The following CDH23 variants were observed in gnomAD, a reference collection of about 807,000 sequenced individuals.
The protein encoded by CDH23 is cadherin related 23.
CDH23 carries 189 observed loss-of-function variants against 317.1 expected under a neutral mutation model. The ratio of observed to expected loss-of-function variants is 0.60; its 90% CI spans 0.53 to 0.67. CDH23 has a LOEUF of 0.67. Ranked by LOEUF, CDH23 falls within the 30% of genes least tolerant of loss-of-function variation. CDH23 has a pLI of 0.00. For missense variants in CDH23, 4,401 were observed against 4,592.4 expected, an observed-to-expected ratio of 0.96 and a Z score of 1.20; for synonymous variants, 1,839 against 1,876.8, an observed-to-expected ratio of 0.98 and a Z score of 0.52.
intron 41 of CDH23, among the ~76,000 whole-genome samples, chr10:71,781,095 G>A (rs1840940922): frequency 1.3e-5 from 2 of 152,182 alleles, no homozygotes; most frequent in Non-Finnish European, 2.9e-5. Flanking sequence ...TCAGGAGAGA[G>A]GTCTGGGCTG....
At chr10:71,564,697 C>T (rs1041412436) in intron 6 of CDH23, among the ~76,000 whole-genome samples, 1 of 152,226 alleles carries the variant, frequency 6.6e-6, no homozygotes, top group African/African-American at 2.4e-5. Flanking sequence ...GCGCCAGCTT[C>T]ATACAGAGTG....
intron 1 of CDH23, among the ~76,000 whole-genome samples, chr10:71,420,058 T>C (rs1436169750): frequency 6.6e-6 from 1 of 152,182 alleles, no homozygotes; most frequent in Admixed American, 6.5e-5. Flanking sequence ...AATGAATTAC[T>C]TCCTTTAAAA....
intron 28 of CDH23, among the ~76,000 whole-genome samples, chr10:71,721,852 C>T (rs1866572652): frequency 6.6e-6 from 1 of 152,240 alleles, no homozygotes; most frequent in South Asian, 2.1e-4. Context: ...GAGCCCTTCA[C>T]TCCAGACTGG....
intron 3 of CDH23, among the ~76,000 whole-genome samples, chr10:71,504,833 G>A (rs1853545101): frequency 6.6e-6 from 1 of 152,232 alleles, no homozygotes; most frequent in African/African-American, 2.4e-5. Context: ...CTGATTGGTT[G>A]ATGCCTGTAC....
chr10:71,589,312 G>A (rs1859300921), intron 9 of CDH23, among the ~76,000 whole-genome samples: 1 of 152,072 alleles, frequency 6.6e-6, no homozygotes, highest in Admixed American at 6.6e-5. Context: ...TAGAGACAGG[G>A]TTTCACCATA....
At chr10:71,480,468 G>A (rs1252474732) in intron 3 of CDH23, among the ~76,000 whole-genome samples, 1 of 152,226 alleles carries the variant, frequency 6.6e-6, no homozygotes, top group African/African-American at 2.4e-5. Flanking sequence ...AGCACAGGCT[G>A]CTCTGAAGGC....
intron 36 of CDH23, 115 bp downstream of exon 36, chr10:71,739,887 T>C: frequency 8.1e-7 from 1 of 1,228,016 alleles, no homozygotes; most frequent in East Asian, 2.6e-5. Context: ...TCAGTGCCCC[T>C]GCTGTCACCA....
intron 22 of CDH23, among the ~76,000 whole-genome samples, chr10:71,699,579 T>G (rs1158132612): frequency 6.6e-6 from 1 of 152,120 alleles, no homozygotes; most frequent in Non-Finnish European, 1.5e-5. Flanking sequence ...GCAAGGGAGA[T>G]TTTGGTCCCA....
intron 28 of CDH23, chr10:71,713,274 G>C (rs746145564): frequency 1.3e-6 from 1 of 779,478 alleles, no homozygotes; most frequent in South Asian, 1.3e-5. Context: ...CAGGGAGCAG[G>C]CGCAACAGCT....
intron 3 of CDH23, among the ~76,000 whole-genome samples, chr10:71,482,138 A>G (rs1381680083): frequency 6.6e-6 from 1 of 152,102 alleles, no homozygotes; most frequent in Non-Finnish European, 1.5e-5. Context: ...GCTTCCAGGT[A>G]TGAGGCCCAC....
chr10:71,643,825 C>T (rs1862692241), intron 11 of CDH23, 36 bp from the exon 12 acceptor site: 1 of 765,824 alleles, frequency 1.3e-6, no homozygotes, highest in African/African-American at 1.7e-5. Context: ...TTCTGTCTGT[C>T]TCCATATCCT....
rs1839998180 is a variant in CDH23, at chr10:71,751,398, G to C, written c.4845+9477G>C. ...CAGGGAGGTGAATGGGGGCCCCTCT[G>C]TCCCTCACCCTCAACCCCACCCCGT... On this transcript the variant is annotated intron_variant, in intron 38 of 69. Coordinates refer to ENST00000224721, the MANE Select transcript of CDH23 (RefSeq NM_022124.6). This position sits in a 1 kb window ranked among gnomAD's most constrained non-coding sequence, Gnocchi z 4.9. The C allele has an allele frequency of 3.6e-6, 2 of 548,204 alleles. No individual in the cohort carries two copies. The highest frequency in any genetic ancestry group is 2.3e-5 in the African/African-American group (1 of 43,842). The allele number at this position is 548,204 out of a possible 1,614,324, so 34.0% of individuals were successfully genotyped here.
At chr10:71,538,110 T>TA (rs748804164) in intron 6 of CDH23, among the ~76,000 whole-genome samples, 37 of 152,300 alleles carry the variant, frequency 2.4e-4, no homozygotes, top group Non-Finnish European at 4.6e-4. Context: ...AGGAAAAAGA[T>TA]ACGCAGGTCT....
In CDH23 at chr10:71,784,913, T is replaced by C. The variant is rs1841058438; in HGVS notation, c.5525T>C (p.Leu1842Pro). The C allele has an allele frequency of 1.2e-6, 2 of 1,614,038 alleles. No homozygotes were observed. Among genetic ancestry groups the C allele is most frequent in the East Asian group, 4.5e-5 (2 of 44,878 alleles). Residue 1842 changes from leucine to proline, a missense_variant, in exon 43 of 70, where the codon CTG becomes CCG. Coordinates refer to ENST00000224721, the MANE Select transcript of CDH23 (RefSeq NM_022124.6). The stretch of plus-strand genomic sequence containing the variant: ...CAGATGCTGGTGGGGATCCGGGTGC[T>C]GGACATCAACGACAACGACCCTGTG... ...SSTMLVGIRVLDINDNDPVLL... is the reference protein window; with the variant it reads ...SSTMLVGIRVPDINDNDPVLL...
chr10:71,422,683 C>G (rs1354604378), intron 1 of CDH23, among the ~76,000 whole-genome samples: 1 of 152,196 alleles, frequency 6.6e-6, no homozygotes, highest in Non-Finnish European at 1.5e-5. Context: ...CCTCCACAGG[C>G]CTGCCCAACT....
Position 71,645,825 on chromosome 10 carries a change from AC to A in CDH23, c.1141-3del, listed in dbSNP as rs1862820010. 1.9e-6 allele frequency: 3 copies of A among 1,607,034 alleles called. No individual in the cohort carries two copies. Among genetic ancestry groups the A allele is most frequent in the South Asian group, 2.2e-5 (2 of 90,784 alleles). ...CTGACTGGCTTCTTCTGCACTCTTG[AC>A]CCAGGGCCTGAACAGCATGTTTGAG... is the stretch of plus-strand genomic sequence containing the variant. On this transcript the variant is annotated splice_region_variant and splice_polypyrimidine_tract_variant and intron_variant, in intron 12 of 69. Coordinates refer to ENST00000224721, the MANE Select transcript of CDH23 (RefSeq NM_022124.6).
chr10:71,621,233 A>C (rs1258791196), intron 11 of CDH23, among the ~76,000 whole-genome samples: 2 of 152,236 alleles, frequency 1.3e-5, no homozygotes, highest in African/African-American at 4.8e-5. Context: ...TCTGGGTTGA[A>C]GGTGACTCTG....
intron 2 of CDH23, among the ~76,000 whole-genome samples, chr10:71,443,266 C>A (rs570968177): frequency 6.6e-6 from 1 of 152,212 alleles, no homozygotes; most frequent in Non-Finnish European, 1.5e-5. Flanking sequence ...ACCCCCACCC[C>A]GCAATTCAGG....
Position 71,422,579 on chromosome 10 carries a change from C to G in CDH23, c.-5-17248C>G, listed in dbSNP as rs72642223. The stretch of plus-strand genomic sequence containing the variant: ...CATGCTGAGGATCTCCAAGCTTCTT[C>G]TGGCTCTAGATTTCTGTCACTGGTT... On this transcript the variant is annotated intron_variant, in intron 1 of 69. Transcript: ENST00000224721. 1.0e-2 allele frequency among the ~76,000 whole-genome samples: 1,520 copies of G among 152,340 alleles called. 49 individuals carry two copies. The highest frequency in any genetic ancestry group is 0.078 in the East Asian group (406 of 5,186).
Sources: gnomAD v4.1 joint callset for allele counts (sites outside exome capture counted in the v4.1 genomes callset) on GRCh38, gnomAD v4.1.1 for gene constraint, Gnocchi (gnomAD v3.1) non-coding constraint, MANE v1.5 for transcripts, NCBI Gene and HGNC (gene_info 2026-07-23, HGNC 2026-07-21) for gene names.